AGBL1: variants seen among roughly 807,000 people sequenced by gnomAD.
AGBL1 encodes the protein cytosolic carboxypeptidase 4.
A neutral mutation model predicts 118.9 loss-of-function variants in AGBL1; 130 were observed. The ratio of observed to expected loss-of-function variants is 1.09; its 90% CI spans 0.95 to 1.26. The LOEUF is 1.26. Ranked by LOEUF, AGBL1 falls within the 50% of genes most tolerant of loss-of-function variation. AGBL1 has a pLI of 0.00. For missense variants in AGBL1, 1,584 were observed against 1,298.1 expected (o/e 1.22, Z -3.38); for synonymous variants, 555 against 478.9 (o/e 1.16, Z -2.08).
At chr15:86,081,887 C>T (rs918438678) in intron 1 of AGBL1, among the ~76,000 whole-genome samples, 4 of 152,202 alleles carry the variant, frequency 2.6e-5, no homozygotes, top group Non-Finnish European at 5.9e-5. Context: ...TGCCTGCATT[C>T]CCACCAGTGA....
rs569859261 is a variant in AGBL1 at position 86,141,796 on chromosome 15, G to A, written c.52-208G>A. Among the ~76,000 whole-genome samples, 7 of 152,264 alleles carry A rather than the reference G, an allele frequency of 4.6e-5. No individual in the cohort carries two copies. In the South Asian group the frequency reaches 1.0e-3, roughly 23 times the overall value. On this transcript the variant is annotated intron_variant, in intron 1 of 22. Coordinates refer to ENST00000614907, the MANE Select transcript of AGBL1 (RefSeq NM_001386094.1). ...TCTTGCTGATGTTACTACAAGATAC[G>A]TCTGCAAAGATGAGTTCTGAAGACT... is the stretch of plus-strand genomic sequence containing the variant.
chr15:86,247,989 T>C, intron 7 of AGBL1, 110 bp downstream of exon 7: 1 of 1,363,938 alleles, frequency 7.3e-7, no homozygotes, highest in Non-Finnish European at 1.0e-6. Context: ...AGTCTATTTC[T>C]TGTTGCCTGC....
chr15:86,257,951 T>C lies in AGBL1; in HGVS notation c.902-13T>C. ...GGAAACTTCACTTATTTCACCTCTTTTTCCCCATCCAGAGGATTTTGAAGA... is the reference window on the plus strand; with the variant it reads ...GGAAACTTCACTTATTTCACCTCTTCTTCCCCATCCAGAGGATTTTGAAGA... On this transcript the variant is annotated splice_polypyrimidine_tract_variant and intron_variant, in intron 8 of 22. Coordinates refer to ENST00000614907, the MANE Select transcript of AGBL1 (RefSeq NM_001386094.1). 6.2e-7 allele frequency: 1 copy of C among 1,612,394 alleles called. No individual in the cohort carries two copies. Among genetic ancestry groups the C allele is most frequent in the East Asian group, 2.2e-5 (1 of 44,864 alleles).
chr15:86,712,166 A>C (rs2086570814), intron 22 of AGBL1, among the ~76,000 whole-genome samples: 2 of 152,216 alleles, frequency 1.3e-5, no homozygotes, highest in Non-Finnish European at 2.9e-5. Context: ...TTAAGTGACC[A>C]TGAGAATATT....
At chr15:86,815,444 C>T (rs551498684) in intron 22 of AGBL1, among the ~76,000 whole-genome samples, 13 of 152,058 alleles carry the variant, frequency 8.5e-5, no homozygotes, top group Non-Finnish European at 1.6e-4. Flanking sequence ...GGGGTAAAAA[C>T]GTGTGTAAGA....
chr15:86,494,872 A>G (rs943393629), intron 18 of AGBL1, among the ~76,000 whole-genome samples: 1 of 152,010 alleles, frequency 6.6e-6, no homozygotes, highest in Non-Finnish European at 1.5e-5. Context: ...TGTGCAAAGG[A>G]TATGTAAGGA....
At chr15:86,513,060 A>G (rs972575867) in intron 18 of AGBL1, among the ~76,000 whole-genome samples, 6 of 151,916 alleles carry the variant, frequency 3.9e-5, no homozygotes, top group Non-Finnish European at 7.4e-5. Flanking sequence ...CTAAATGCTA[A>G]CATTTTACAT....
At chr15:86,296,215 C>CAAAAAAAAAAAAAAAAAAAAAAA (rs10536464) in intron 17 of AGBL1, 1 of 103,314 alleles carries the variant, frequency 9.7e-6, no homozygotes. Context: ...CTTAGGTAGG[C>CAAAAAAAAAAAAAAAAAAAAAAA]AAAAAAAAAA....
At chr15:86,412,531 C>A (rs1169443578) in intron 18 of AGBL1, among the ~76,000 whole-genome samples, 2 of 152,104 alleles carry the variant, frequency 1.3e-5, no homozygotes, top group South Asian at 4.1e-4. Flanking sequence ...GTTTCCTTAA[C>A]CTTCTCCAAG....
At chr15:86,881,062 G>T (rs1596586106) in intron 22 of AGBL1, among the ~76,000 whole-genome samples, 1 of 152,122 alleles carries the variant, frequency 6.6e-6, no homozygotes, top group Non-Finnish European at 1.5e-5. Context: ...TGGGATGGGG[G>T]ACAGTTAGTG....
At chr15:86,783,737 C>A (rs2078368502) in intron 22 of AGBL1, among the ~76,000 whole-genome samples, 2 of 152,324 alleles carry the variant, frequency 1.3e-5, no homozygotes, top group Admixed American at 6.5e-5. Context: ...TCAAGAGATT[C>A]TCCTGTCTCA....
At chr15:86,776,102 G>C (rs907046615) in intron 22 of AGBL1, among the ~76,000 whole-genome samples, 2 of 152,016 alleles carry the variant, frequency 1.3e-5, no homozygotes, top group Non-Finnish European at 2.9e-5. Context: ...ACCTCCTCTT[G>C]TTCACTCAAC....
chr15:86,522,022 A>G (rs2142199420), intron 18 of AGBL1, among the ~76,000 whole-genome samples: 1 of 152,176 alleles, frequency 6.6e-6, no homozygotes, highest in East Asian at 1.9e-4. Flanking sequence ...GGTTTTTAGG[A>G]TCACTCTGCC....
At chr15:86,885,172 G>C (rs1303630603) in intron 22 of AGBL1, among the ~76,000 whole-genome samples, 1 of 151,874 alleles carries the variant, frequency 6.6e-6, no homozygotes, top group East Asian at 1.9e-4. Context: ...CAATATCATG[G>C]TTTTGTTAAG....
At chr15:86,269,416 T>C (rs1344264562) in intron 13 of AGBL1, among the ~76,000 whole-genome samples, 6 of 152,234 alleles carry the variant, frequency 3.9e-5, no homozygotes, top group African/African-American at 1.4e-4. Context: ...GATTGAATTT[T>C]CTCTGGTATA....
At chr15:86,349,718 C>G (rs1596000298) in intron 17 of AGBL1, among the ~76,000 whole-genome samples, 1 of 152,074 alleles carries the variant, frequency 6.6e-6, no homozygotes, top group South Asian at 2.1e-4. Context: ...TGTACTTTTC[C>G]AAGTTGTGAT....
intron 22 of AGBL1, among the ~76,000 whole-genome samples, chr15:86,785,231 G>C (rs1436961799): frequency 6.6e-6 from 1 of 152,052 alleles, no homozygotes; most frequent in Non-Finnish European, 1.5e-5. Flanking sequence ...CTGGGTAGGA[G>C]GTGCAGGGAG....
intron 1 of AGBL1, among the ~76,000 whole-genome samples, chr15:86,136,918 TC>T: frequency 6.6e-6 from 1 of 152,244 alleles, no homozygotes; most frequent in East Asian, 1.9e-4. Context: ...TCCCTGAGTC[TC>T]CCTGAAAGCT....
At position 86,279,859 on chromosome 15, in the gene AGBL1, A is replaced by G. The variant is rs192896802; in HGVS notation, c.2220+76A>G. On this transcript the variant is annotated intron_variant, in intron 16 of 22. Transcript: ENST00000614907. ...AGGTTTTCCTGGGAACATTTTGGAGACCCTGACATCCTGATGGGGTGCAGA... is the reference window on the plus strand; with the variant it reads ...AGGTTTTCCTGGGAACATTTTGGAGGCCCTGACATCCTGATGGGGTGCAGA... 255 of 1,544,222 alleles carry G rather than the reference A, an allele frequency of 1.7e-4. 1 individual carries two copies. The East Asian group carries it at 5.6e-3, about 34-fold the overall frequency.
Sources: allele counts gnomAD v4.1 joint callset (sites outside exome capture counted in the v4.1 genomes callset), GRCh38; gene constraint gnomAD v4.1.1; transcripts MANE v1.5; gene names NCBI Gene and HGNC (gene_info 2026-07-23, HGNC 2026-07-21).